TCF21: variants seen among roughly 807,000 people sequenced by gnomAD.
TCF21 encodes the protein capsulin.
TCF21 carries 3 observed loss-of-function variants against 13.5 expected under a neutral mutation model. That is an observed-to-expected ratio of 0.22 (90% CI 0.10 to 0.57). The LOEUF (loss-of-function observed/expected upper bound fraction) is 0.57, where lower values mean the gene tolerates loss of function less well. Among genes scored for constraint, TCF21 ranks in the 20% least tolerant of loss-of-function variants. TCF21 has a pLI of 0.92. For missense variants in TCF21, 181 were observed against 238.4 expected (o/e 0.76, Z 1.59); for synonymous variants, 92 against 101.7 (o/e 0.90, Z 0.57).
In TCF21 at chr6:133,889,244, C is replaced by A; in HGVS notation, c.-154C>A. 1.0e-6 allele frequency: 1 copy of A among 965,644 alleles called. No homozygotes were observed. Among genetic ancestry groups the A allele is most frequent in the Non-Finnish European group, 1.6e-6 (1 of 621,616 alleles). The allele number at this position is 965,644 out of a possible 1,614,324, so 59.8% of individuals were successfully genotyped here. On this transcript the variant is annotated 5_prime_UTR_variant, in exon 1 of 2. Coordinates refer to ENST00000367882, the MANE Select transcript of TCF21 (RefSeq NM_003206.4). The surrounding 1 kb of genome is among the most constrained non-coding windows in gnomAD (Gnocchi z 5.1). The stretch of plus-strand genomic sequence containing the variant: ...AGGGGAAAGGGTTGTGAGACCCAAC[C>A]AGACCCCAACTCCAGCTCCCAGCAG...
chr6:133,891,698 T>G lies in TCF21; in HGVS notation c.451-15T>G. On this transcript the variant is annotated splice_polypyrimidine_tract_variant and intron_variant, in intron 1 of 1. Coordinates refer to ENST00000367882, the MANE Select transcript of TCF21 (RefSeq NM_003206.4). The stretch of plus-strand genomic sequence containing the variant: ...CCACGGCCACTTACCTCCTCCACCC[T>G]CTTCTTTCCCGCAGACGTGGCCCTT... 9 of 1,211,934 alleles carry G rather than the reference T, an allele frequency of 7.4e-6. No individual in the cohort carries two copies. Among genetic ancestry groups the G allele is most frequent in the Non-Finnish European group, 9.5e-6 (9 of 949,112 alleles). 75.1% of individuals were successfully genotyped at this position (1,211,934 alleles called of 1,614,324 possible). A position where few individuals can be genotyped will look rare whatever the true frequency, so the allele number is the denominator to read the frequency against.
At chr6:133,895,381 T>C (rs897552429), downstream of TCF21, 1 of 152,146 alleles carries the variant, frequency 6.6e-6, no homozygotes, top group Non-Finnish European at 1.5e-5. Flanking sequence ...AAAGAAAATA[T>C]TTCAGAGGAG....
chr6:133,889,577 G>A lies in TCF21; in HGVS notation c.180G>A (p.Arg60=). The change falls in exon 1 of 2, where the codon AGG becomes AGA. Residue 60 remains arginine (R), a synonymous_variant. Transcript: ENST00000367882. This position sits in a 1 kb window ranked among gnomAD's most constrained non-coding sequence, Gnocchi z 5.1. The part of the protein sequence containing the change: ...QKGRGGLGKR[R]KAPTKKSPLS... ...GCCGCGGCGGCCTGGGCAAGAGGAG[G>A]AAGGCGCCCACCAAGAAGAGCCCCC... 1 of 1,601,162 alleles carries A rather than the reference G, an allele frequency of 6.2e-7. No homozygotes were observed. Among genetic ancestry groups the A allele is most frequent in the East Asian group, 2.3e-5 (1 of 44,250 alleles).
chr6:133,893,097 A>T (rs1369802123), downstream of TCF21: 2 of 152,216 alleles, frequency 1.3e-5, no homozygotes, highest in Non-Finnish European at 2.9e-5. Flanking sequence ...GAGAGCCTTG[A>T]AACTTCCGCT....
At position 133,889,437 on chromosome 6, in the gene TCF21, G is replaced by T; in HGVS notation, c.40G>T (p.Glu14Ter). Residue 14 changes from glutamate (E) to a stop codon, truncating the protein, a stop_gained, in exon 1 of 2, where the codon GAG (glutamate) becomes TAG (stop). Transcript: ENST00000367882. LOFTEE classifies it high-confidence loss of function. This position sits in a 1 kb window ranked among gnomAD's most constrained non-coding sequence, Gnocchi z 5.1. The part of the protein sequence containing the change: ...GSLSDVEDLQ[E>*]VEMLECDGLK... ...CCTCAGCGATGTGGAGGACCTTCAA[G>T]AGGTGGAGATGTTGGAATGTGACGG... is the stretch of plus-strand genomic sequence containing the variant. The T allele has an allele frequency of 1.2e-6, 2 of 1,614,132 alleles. No individual in the cohort carries two copies. Among genetic ancestry groups the T allele is most frequent in the Non-Finnish European group, 1.7e-6 (2 of 1,180,022 alleles).
chr6:133,894,776 C>T (rs1775276013), downstream of TCF21: 1 of 152,258 alleles, frequency 6.6e-6, no homozygotes, highest in East Asian at 1.9e-4. Context: ...GGCCTCAAGC[C>T]AGTATAGTTT....
chr6:133,893,089 G>A (rs2327433), downstream of TCF21: 134,572 of 152,332 alleles, frequency 0.88, 59,526 homozygotes, highest in Admixed American at 0.93. Context: ...TCCTCGCAGA[G>A]AGCCTTGAAA....
chr6:133,891,270 G>T (rs947896435), intron 1 of TCF21, among the ~76,000 whole-genome samples: 1 of 152,200 alleles, frequency 6.6e-6, no homozygotes. Flanking sequence ...CCCGACCACC[G>T]CCTCAGAAGG....
Position 133,891,992 on chromosome 6 carries a change from C to T in TCF21, c.*190C>T. The T allele has an allele frequency of 1.7e-6, 1 of 589,260 alleles. No homozygotes were observed. Among genetic ancestry groups the T allele is most frequent in the South Asian group, 2.2e-5 (1 of 46,264 alleles). The allele number at this position is 589,260 out of a possible 1,614,324, so 36.5% of individuals were successfully genotyped here. ...AACCAGAGGAGATCAATTGTACTTACAAAGATTCCCATCTATTTAACTTTA... is the reference window on the plus strand; with the variant it reads ...AACCAGAGGAGATCAATTGTACTTATAAAGATTCCCATCTATTTAACTTTA... On this transcript the variant is annotated 3_prime_UTR_variant, in exon 2 of 2. Coordinates refer to ENST00000367882, the MANE Select transcript of TCF21 (RefSeq NM_003206.4).
At position 133,889,861 on chromosome 6, in the gene TCF21, G is replaced by A. The variant is rs769919402; in HGVS notation, c.450+14G>A. On this transcript the variant is annotated intron_variant, in intron 1 of 1. Coordinates refer to ENST00000367882, the MANE Select transcript of TCF21 (RefSeq NM_003206.4). The surrounding 1 kb of genome is among the most constrained non-coding windows in gnomAD (Gnocchi z 5.1). ...CCGGTCAACCTGGTGAGTGCTCCCG[G>A]GGCTGCAGCTGCAGTCCAGGCGCGC... 3 of 1,612,520 alleles carry A rather than the reference G, an allele frequency of 1.9e-6. No individual in the cohort carries two copies. Among genetic ancestry groups the A allele is most frequent in the Non-Finnish European group, 2.5e-6 (3 of 1,179,702 alleles).
At position 133,889,359 on chromosome 6, in the gene TCF21, GTCTC is replaced by G. The variant is rs3068172; in HGVS notation, c.-24_-21del. The stretch of plus-strand genomic sequence containing the variant: ...TCTTCCTCGCTTTCTCTGTCTCTCT[GTCTC>G]TCTCTCTCTCTCTCCCTCGTCCACT... On this transcript the variant is annotated 5_prime_UTR_variant, in exon 1 of 2. Transcript: ENST00000367882. The surrounding 1 kb of genome is among the most constrained non-coding windows in gnomAD (Gnocchi z 5.1). 4.3e-5 allele frequency: 65 copies of G among 1,515,740 alleles called. No homozygotes were observed. The highest frequency in any genetic ancestry group is 4.7e-5 in the Non-Finnish European group (52 of 1,108,648). The allele number at this position is 1,515,740 out of a possible 1,614,324, so 93.9% of individuals were successfully genotyped here.
At chr6:133,895,439 A>T (rs1303113426), downstream of TCF21, 4 of 152,188 alleles carry the variant, frequency 2.6e-5, no homozygotes, top group African/African-American at 9.7e-5. Context: ...ATTTAGTTTA[A>T]TTCACTCCAG....
In TCF21 at chr6:133,889,508, C is replaced by A; in HGVS notation, c.111C>A (p.Ser37Arg). ...AGGAATTTGTGACTTCCAACGAGAG[C>A]ACCGAGGAGAGCTCCAACTGCGAGA... ...SNKEFVTSNESTEESSNCENG... is the reference protein window; with the variant it reads ...SNKEFVTSNERTEESSNCENG... Residue 37 changes from serine (S) to arginine (R), a missense_variant, in exon 1 of 2, where the codon AGC (serine) becomes AGA (arginine). Transcript: ENST00000367882. The surrounding 1 kb of genome is among the most constrained non-coding windows in gnomAD (Gnocchi z 5.1). 1 of 1,614,108 alleles carries A rather than the reference C, an allele frequency of 6.2e-7. No homozygotes were observed. The highest frequency in any genetic ancestry group is 8.5e-7 in the Non-Finnish European group (1 of 1,180,000).
chr6:133,892,089 T>G lies in TCF21; in HGVS notation c.*287T>G. On this transcript the variant is annotated 3_prime_UTR_variant, in exon 2 of 2. Coordinates refer to ENST00000367882, the MANE Select transcript of TCF21 (RefSeq NM_003206.4). Reference sequence around the variant, plus strand: ...CAATATGTAATTATAAATATATAAATAGATAAGAGCCTATCAATGTATCTT... The same window carrying G: ...CAATATGTAATTATAAATATATAAAGAGATAAGAGCCTATCAATGTATCTT... 1 of 307,936 alleles carries G rather than the reference T, an allele frequency of 3.2e-6. No individual in the cohort carries two copies. The highest frequency in any genetic ancestry group is 6.2e-6 in the Non-Finnish European group (1 of 162,260). 19.1% of individuals were successfully genotyped at this position (307,936 alleles called of 1,614,324 possible).
chr6:133,890,912 G>A (rs79119991), intron 1 of TCF21, among the ~76,000 whole-genome samples: 3,920 of 152,204 alleles, frequency 0.026, 108 homozygotes, highest in African/African-American at 0.065. Flanking sequence ...TTGAAAGTTT[G>A]GGGTTTTTCC....
chr6:133,889,688 G>A lies in TCF21; in HGVS notation c.291G>A (p.Lys97=). The part of the protein sequence containing the change: ...RERARMRVLS[K]AFSRLKTTLP... ...GGGCCCGCATGCGAGTGCTGAGCAA[G>A]GCCTTCTCCAGACTCAAGACCACCC... The change falls in exon 1 of 2, where the codon AAG becomes AAA. Residue 97 remains lysine, a synonymous_variant. Transcript: ENST00000367882. This position sits in a 1 kb window ranked among gnomAD's most constrained non-coding sequence, Gnocchi z 5.1. 6.2e-7 allele frequency: 1 copy of A among 1,613,804 alleles called. No homozygotes were observed. The highest frequency in any genetic ancestry group is 8.5e-7 in the Non-Finnish European group (1 of 1,179,968).
At chr6:133,893,919 T>C (rs1775260414), downstream of TCF21, 1 of 152,162 alleles carries the variant, frequency 6.6e-6, no homozygotes, top group Non-Finnish European at 1.5e-5. Context: ...GGATCCTCAG[T>C]TTTCCCATCT....
chr6:133,892,455 C>T (rs1775234848), downstream of TCF21: 1 of 152,188 alleles, frequency 6.6e-6, no homozygotes, highest in Non-Finnish European at 1.5e-5. Flanking sequence ...ATATCGGTTA[C>T]TTTTAAGGCT....
downstream of TCF21, chr6:133,892,598 G>A (rs904795248): frequency 6.6e-6 from 1 of 152,214 alleles, no homozygotes; most frequent in Non-Finnish European, 1.5e-5. Context: ...CTGCTGACAC[G>A]GGCGAGAAAG....
Sources: gnomAD v4.1 joint callset for allele counts (sites outside exome capture counted in the v4.1 genomes callset) on GRCh38, gnomAD v4.1.1 for gene constraint, Gnocchi (gnomAD v3.1) non-coding constraint, MANE v1.5 for transcripts, NCBI Gene and HGNC (gene_info 2026-07-23, HGNC 2026-07-21) for gene names.